RASA3: variants seen among roughly 807,000 people sequenced by gnomAD.
RASA3 encodes the protein RAS p21 protein activator 3, also known as ras GTPase-activating protein 3.
Under a neutral mutation model 110.0 loss-of-function variants are expected in RASA3, and 73 were observed. The ratio of observed to expected loss-of-function variants is 0.66; its 90% CI spans 0.55 to 0.81. The LOEUF (loss-of-function observed/expected upper bound fraction) is 0.81. Among genes scored for constraint, RASA3 ranks in the 30% least tolerant of loss-of-function variants. The pLI, the probability that RASA3 is intolerant of heterozygous loss-of-function variation, is 0.00. For missense variants in RASA3, 976 were observed against 1,113.2 expected (o/e 0.88, Z 1.75); for synonymous variants, 500 against 451.4 (o/e 1.11, Z -1.37).
At chr13:114,025,242 G>A (rs536322135) in intron 7 of RASA3, among the ~76,000 whole-genome samples, 4 of 152,248 alleles carry the variant, frequency 2.6e-5, no homozygotes, top group Non-Finnish European at 5.9e-5. Flanking sequence ...CTCTGAGCTT[G>A]CACTTCCTGA....
intron 22 of RASA3, among the ~76,000 whole-genome samples, chr13:113,991,322 A>T (rs1207246537): frequency 6.6e-6 from 1 of 152,174 alleles, no homozygotes; most frequent in Non-Finnish European, 1.5e-5. Context: ...CTCAGGCAGG[A>T]CTCATGTGTT....
chr13:114,100,473 G>A (rs924616613), intron 1 of RASA3, among the ~76,000 whole-genome samples: 1 of 152,254 alleles, frequency 6.6e-6, no homozygotes, highest in Non-Finnish European at 1.5e-5. Context: ...GTCAGGCGGA[G>A]GACGTGATGC....
intron 1 of RASA3, among the ~76,000 whole-genome samples, chr13:114,131,000 G>C (rs1186076120): frequency 6.6e-6 from 1 of 152,248 alleles, no homozygotes; most frequent in Non-Finnish European, 1.5e-5. Context: ...CGCCAGCTCT[G>C]GCTTTCTTGT....
intron 3 of RASA3, 115 bp from the exon 4 acceptor site, chr13:114,041,209 A>C: frequency 1.1e-5 from 10 of 902,146 alleles, no homozygotes; most frequent in African/African-American, 1.6e-5. Context: ...TTAATTCAGA[A>C]TGGGGCACCG....
rs535368356 is a variant in RASA3, at chr13:113,981,664, G to T, written c.2429+11C>A. The T allele has an allele frequency of 6.2e-7, 1 of 1,613,238 alleles. No homozygotes were observed. The highest frequency in any genetic ancestry group is 1.1e-5 in the South Asian group (1 of 90,968). ...CTGGCCGTCCAGGGCAGGCACGGGA[G>T]TGGCACTCACTGGCTTCCATATTTC... On this transcript the variant is annotated intron_variant, in intron 23 of 23. Transcript: ENST00000334062.
Position 114,073,762 on chromosome 13 carries a change from T to G in RASA3, c.131A>C (p.Gln44Pro). The G allele has an allele frequency of 6.2e-7, 1 of 1,614,226 alleles. No homozygotes were observed. Among genetic ancestry groups the G allele is most frequent in the South Asian group, 1.1e-5 (1 of 91,092 alleles). The change falls in exon 2 of 24, where the codon CAG becomes CCG. Residue 44 changes from glutamine to proline, a missense_variant. By Grantham distance (76) the Gln-to-Pro change is moderately conservative (BLOSUM62 -1). Coordinates refer to ENST00000334062, the MANE Select transcript of RASA3 (RefSeq NM_007368.4). ...RDCYCTVNLD[Q>P]EEVFRTKIVE... ...AATTTTGGTCCTGAAAACCTCCTCC[T>G]GGTCCAGGTTCACCGTGCAGTAGCA...
intron 19 of RASA3, 59 bp from the exon 20 acceptor site, chr13:113,999,726 G>A: frequency 1.4e-6 from 2 of 1,465,890 alleles, no homozygotes; most frequent in South Asian, 1.1e-5. Flanking sequence ...TGGGGTCCGG[G>A]TGGGGCTGAG....
chr13:114,052,221 A>T, intron 2 of RASA3, 66 bp from the exon 3 acceptor site: 1 of 1,077,712 alleles, frequency 9.3e-7, no homozygotes, highest in Admixed American at 1.9e-5. Context: ...CCCGGGGCAC[A>T]CACGTGTGGT....
Position 113,999,630 on chromosome 13 carries a change from G to A in RASA3, c.1887C>T (p.Ile629=), listed in dbSNP as rs777681411. The change falls in exon 20 of 24, where the codon ATC becomes ATT. Residue 629 remains isoleucine, a synonymous_variant. Coordinates refer to ENST00000334062, the MANE Select transcript of RASA3 (RefSeq NM_007368.4). ...CCTCCTCCAGCTTCTCCACTGCCAG[G>A]ATGTTCTCGATGGGAATGCTGTAGA... ...QPLYSIPIEN[I]LAVEKLEEES... is the part of the protein sequence containing the mutation. 1 of 1,613,298 alleles carries A rather than the reference G, an allele frequency of 6.2e-7. No individual in the cohort carries two copies. Among genetic ancestry groups the A allele is most frequent in the African/African-American group, 1.3e-5 (1 of 74,646 alleles).
At chr13:114,076,273 C>G (rs532816847) in intron 1 of RASA3, among the ~76,000 whole-genome samples, 4 of 152,200 alleles carry the variant, frequency 2.6e-5, no homozygotes, top group African/African-American at 9.6e-5. Flanking sequence ...CAATGATAAT[C>G]GGTTGGTGGG....
intron 20 of RASA3, among the ~76,000 whole-genome samples, chr13:113,998,531 G>A (rs141160872): frequency 8.3e-4 from 127 of 152,338 alleles, no homozygotes; most frequent in African/African-American, 2.6e-3. Context: ...CATGTGTCAG[G>A]GTACGGGGTC....
intron 4 of RASA3, among the ~76,000 whole-genome samples, chr13:114,039,918 T>C (rs1006533660): frequency 1.3e-5 from 2 of 152,188 alleles, no homozygotes; most frequent in Non-Finnish European, 2.9e-5. Flanking sequence ...CTTTCGACAA[T>C]GGACACGGGA....
At position 114,014,196 on chromosome 13, in the gene RASA3, T is replaced by C. The variant is rs572231056; in HGVS notation, c.1406-948A>G. On this transcript the variant is annotated intron_variant, in intron 14 of 23. Coordinates refer to ENST00000334062, the MANE Select transcript of RASA3 (RefSeq NM_007368.4). The surrounding 1 kb of genome is among the most constrained non-coding windows in gnomAD (Gnocchi z 4.5). ...TCTCCCTGTTTCTCTCCATCTCTCATCACCACCACACAGCGCAGCCCCTTT... is the reference window on the plus strand; with the variant it reads ...TCTCCCTGTTTCTCTCCATCTCTCACCACCACCACACAGCGCAGCCCCTTT... Among the ~76,000 whole-genome samples the C allele has an allele frequency of 1.6e-4, 24 of 152,258 alleles. No homozygotes were observed. The South Asian group carries it at 3.9e-3, about 25-fold the overall frequency.
At chr13:114,038,448 G>C (rs969089531) in intron 4 of RASA3, among the ~76,000 whole-genome samples, 16 of 152,374 alleles carry the variant, frequency 1.1e-4, no homozygotes, top group Admixed American at 9.1e-4. Context: ...TCCCCAGCCA[G>C]TGCTTTCCCA....
intron 1 of RASA3, among the ~76,000 whole-genome samples, chr13:114,103,129 C>A (rs1013593574): frequency 2.6e-5 from 4 of 152,186 alleles, no homozygotes; most frequent in Non-Finnish European, 5.9e-5. Context: ...GTGACTGTTG[C>A]TGTGTCTGGC....
At chr13:114,041,748 C>G (rs963151846) in intron 3 of RASA3, among the ~76,000 whole-genome samples, 23 of 152,268 alleles carry the variant, frequency 1.5e-4, no homozygotes, top group African/African-American at 5.3e-4. Context: ...ACAGGCAGGA[C>G]TGAGAGCCAG....
chr13:114,105,592 C>A (rs1247879153), intron 1 of RASA3, among the ~76,000 whole-genome samples: 2 of 152,200 alleles, frequency 1.3e-5, no homozygotes, highest in African/African-American at 4.8e-5. Flanking sequence ...AGGCCACAGG[C>A]ACATCCGGGG....
rs74602444 is a variant in RASA3 at position 114,075,565 on chromosome 13, C to G, written c.56-1728G>C. On this transcript the variant is annotated intron_variant, in intron 1 of 23. Transcript: ENST00000334062. ...CCGGCAGGACGAAGCCTCCCGTGTC[C>G]GCGCCGCGTATCTCTGCGTGTGGAG... 7.8e-3 allele frequency among the ~76,000 whole-genome samples: 419 copies of G among 53,514 alleles called. 3 individuals carry two copies. Among genetic ancestry groups the G allele is most frequent in the Middle Eastern group, 0.034 (3 of 88 alleles). 35.1% of individuals were successfully genotyped at this position (53,514 alleles called of 152,430 possible).
intron 22 of RASA3, among the ~76,000 whole-genome samples, chr13:113,989,648 TCCATCCACCCATCTAC>T (rs1375683784): frequency 1.3e-5 from 2 of 148,196 alleles, no homozygotes; most frequent in African/African-American, 5.0e-5. Flanking sequence ...CACCCATCTG[TCCATCCACCCATCTAC>T]CCATCCATCC....
Sources: gnomAD v4.1 joint callset for allele counts (sites outside exome capture counted in the v4.1 genomes callset) on GRCh38, gnomAD v4.1.1 for gene constraint, Gnocchi (gnomAD v3.1) non-coding constraint, MANE v1.5 for transcripts, NCBI Gene and HGNC (gene_info 2026-07-23, HGNC 2026-07-21) for gene names.